Variants in NDUFAF7 observed in about 807,000 individuals in gnomAD.
The protein encoded by NDUFAF7 is protein arginine methyltransferase NDUFAF7, mitochondrial.
NDUFAF7 carries 48 observed loss-of-function variants against 47.2 expected under a neutral mutation model. The observed-to-expected ratio is 1.02, with a 90% CI of 0.81 to 1.29. The LOEUF (loss-of-function observed/expected upper bound fraction) is 1.29. Ranked by LOEUF, NDUFAF7 falls within the 50% of genes most tolerant of loss-of-function variation. The pLI is 0.00. For synonymous variants in NDUFAF7, 217 were observed against 190.0 expected (o/e 1.14, Z -1.17); for missense variants, 635 against 537.6 (o/e 1.18, Z -1.79).
chr2:37,255,419 A>G (rs564645654), downstream of NDUFAF7, among the ~76,000 whole-genome samples: 1 of 152,214 alleles, frequency 6.6e-6, no homozygotes, highest in African/African-American at 2.4e-5. Flanking sequence ...TGTTTTAAGT[A>G]GTGTACTTGT....
downstream of NDUFAF7, among the ~76,000 whole-genome samples, chr2:37,255,515 C>T (rs917512155): frequency 6.6e-6 from 1 of 152,218 alleles, no homozygotes; most frequent in South Asian, 2.1e-4. Flanking sequence ...ATTCAAAAGC[C>T]TTCACTAGGC....
At position 37,248,200 on chromosome 2, in the gene NDUFAF7, A is replaced by C; in HGVS notation, c.1176A>C (p.Leu392Phe). Reference protein sequence around the residue: ...RQQLLQGYDMLMNPKKMGERF... With the variant: ...RQQLLQGYDMFMNPKKMGERF... ...AGTTACTTCAAGGATATGATATGTT[A>C]ATGAATCCAAAGAAGATGGGAGAGA... Residue 392 changes from leucine (L) to phenylalanine (F), a missense_variant, in exon 10 of 10, where the codon TTA (leucine) becomes TTC (phenylalanine). By Grantham distance (22) the Leu-to-Phe change is conservative (BLOSUM62 0). Coordinates refer to ENST00000002125, the MANE Select transcript of NDUFAF7 (RefSeq NM_144736.5). 1 of 1,614,004 alleles carries C rather than the reference A, an allele frequency of 6.2e-7. No individual in the cohort carries two copies. Among genetic ancestry groups the C allele is most frequent in the East Asian group, 2.2e-5 (1 of 44,868 alleles).
downstream of NDUFAF7, among the ~76,000 whole-genome samples, chr2:37,254,494 A>G (rs943379036): frequency 6.6e-6 from 1 of 152,190 alleles, no homozygotes; most frequent in Admixed American, 6.5e-5. Flanking sequence ...CATTGCCTTT[A>G]TAAGGCAGTA....
chr2:37,255,678 T>C (rs1405701031), downstream of NDUFAF7, among the ~76,000 whole-genome samples: 1 of 152,158 alleles, frequency 6.6e-6, no homozygotes, highest in Non-Finnish European at 1.5e-5. Flanking sequence ...TTCTGAAGAT[T>C]AGAAAAGTCA....
chr2:37,241,356 A>G (rs1206175077), intron 4 of NDUFAF7, among the ~76,000 whole-genome samples: 2 of 152,162 alleles, frequency 1.3e-5, no homozygotes, highest in Admixed American at 1.3e-4. Context: ...ATAATTTATC[A>G]TTAGGAAACC....
the NDUFAF7 span, chr2:37,260,429 CAGTTTTACTAATATCT>C: frequency 2.1e-6 from 3 of 1,434,032 alleles, no homozygotes; most frequent in Non-Finnish European, 2.9e-6. Flanking sequence ...AGCAGAGAAA[CAGTTTTACTAATATCT>C]AGATGTGCTA....
chr2:37,251,366 T>TACTA (rs958190482), downstream of NDUFAF7: 5 of 152,606 alleles, frequency 3.3e-5, no homozygotes, highest in African/African-American at 1.2e-4. Flanking sequence ...TCTCAAATAC[T>TACTA]ACTAACTGTT....
chr2:37,264,293 A>G, the NDUFAF7 span, among the ~76,000 whole-genome samples: 1 of 152,332 alleles, frequency 6.6e-6, no homozygotes, highest in South Asian at 2.1e-4. Context: ...AATTTCCCAC[A>G]TAATACATTT....
At chr2:37,234,593 C>T (rs772856005) in intron 2 of NDUFAF7, among the ~76,000 whole-genome samples, 5 of 152,006 alleles carry the variant, frequency 3.3e-5, no homozygotes, top group African/African-American at 7.3e-5. Flanking sequence ...TCCTTATGAA[C>T]GGAACTAGAA....
chr2:37,270,693 T>C, the NDUFAF7 span, among the ~76,000 whole-genome samples: 1 of 152,206 alleles, frequency 6.6e-6, no homozygotes, highest in Non-Finnish European at 1.5e-5. Flanking sequence ...TGCATGTATA[T>C]ATGTTAAGTT....
chr2:37,264,480 G>A, the NDUFAF7 span, among the ~76,000 whole-genome samples: 1 of 143,728 alleles, frequency 7.0e-6, no homozygotes, highest in Non-Finnish European at 1.5e-5. Context: ...AAGGTGATAA[G>A]TGCCATGGAG....
At chr2:37,234,504 CTG>C (rs1665538789) in intron 2 of NDUFAF7, among the ~76,000 whole-genome samples, 1 of 152,152 alleles carries the variant, frequency 6.6e-6, no homozygotes, top group Non-Finnish European at 1.5e-5. Flanking sequence ...TAAAAACACT[CTG>C]TGAAGGGGTC....
chr2:37,254,028 C>T (rs577872117), downstream of NDUFAF7, among the ~76,000 whole-genome samples: 1 of 152,132 alleles, frequency 6.6e-6, no homozygotes, highest in Non-Finnish European at 1.5e-5. Context: ...GTTTAATTGC[C>T]TGTCATTACC....
chr2:37,254,748 A>G (rs1043319145), downstream of NDUFAF7, among the ~76,000 whole-genome samples: 3 of 152,184 alleles, frequency 2.0e-5, no homozygotes, highest in African/African-American at 7.2e-5. Context: ...CCCCGCTCCA[A>G]TGCTAGAGAG....
chr2:37,260,587 G>A, the NDUFAF7 span, among the ~76,000 whole-genome samples: 2 of 152,164 alleles, frequency 1.3e-5, no homozygotes, highest in South Asian at 2.1e-4. Context: ...GCCGCACTGA[G>A]GGGATAGAAT....
At position 37,246,105 on chromosome 2, in the gene NDUFAF7, C is replaced by T. The variant is rs145121976; in HGVS notation, c.846C>T (p.Ile282=). 52 of 1,613,724 alleles carry T rather than the reference C, an allele frequency of 3.2e-5. No homozygotes were observed. Among genetic ancestry groups the T allele is most frequent in the Non-Finnish European group, 4.4e-5 (52 of 1,179,840 alleles). ...VEVCPDAGVI[I]EELSQRIALT... ...TGTGTCCTGATGCTGGTGTTATCAT[C>T]GAGGAACTTTCTCAACGCATTGCAT... The change falls in exon 8 of 10, where the codon ATC becomes ATT. Residue 282 remains isoleucine (I), a synonymous_variant. Transcript: ENST00000002125.
chr2:37,242,057 T>C, intron 5 of NDUFAF7: 2 of 491,320 alleles, frequency 4.1e-6, no homozygotes, highest in Non-Finnish European at 3.6e-6. Flanking sequence ...TATTTCCCTA[T>C]AGCTAGGGTT....
chr2:37,232,340 C>T, intron 2 of NDUFAF7, 74 bp downstream of exon 2: 1 of 1,582,114 alleles, frequency 6.3e-7, no homozygotes, highest in Non-Finnish European at 8.7e-7. Flanking sequence ...GGGAGAAGCC[C>T]GAAGGTTCTC....
chr2:37,258,257 T>A (rs754523232), downstream of NDUFAF7, among the ~76,000 whole-genome samples: 1 of 152,240 alleles, frequency 6.6e-6, no homozygotes, highest in African/African-American at 2.4e-5. Flanking sequence ...CTGACACATA[T>A]TTTTATGAAT....
Sources: gnomAD v4.1 joint callset for allele counts (sites outside exome capture counted in the v4.1 genomes callset) on GRCh38, gnomAD v4.1.1 for gene constraint, MANE v1.5 for transcripts, NCBI Gene and HGNC (gene_info 2026-07-23, HGNC 2026-07-21) for gene names.